ADAMTS5: variants seen among roughly 807,000 people sequenced by gnomAD.
The protein encoded by ADAMTS5 is A disintegrin and metalloproteinase with thrombospondin motifs 5.
A neutral mutation model predicts 81.4 loss-of-function variants in ADAMTS5; 54 were observed. That is an observed-to-expected ratio of 0.66 (90% CI 0.53 to 0.83). The LOEUF (loss-of-function observed/expected upper bound fraction) is 0.83. Among genes scored for constraint, ADAMTS5 ranks in the 40% least tolerant of loss-of-function variants. ADAMTS5 has a pLI of 0.00. For synonymous variants in ADAMTS5, 532 were observed against 508.8 expected, an observed-to-expected ratio of 1.05 and a Z score of -0.61; for missense variants, 1,194 against 1,229.9, an observed-to-expected ratio of 0.97 and a Z score of 0.44.
chr21:26,957,348 T>C (rs1310485988), intron 1 of ADAMTS5, among the ~76,000 whole-genome samples: 2 of 152,192 alleles, frequency 1.3e-5, no homozygotes, highest in African/African-American at 4.8e-5. Context: ...TGTATATGTG[T>C]ATACATATAT....
At chr21:26,959,151 G>C (rs571220591) in intron 1 of ADAMTS5, among the ~76,000 whole-genome samples, 3 of 152,212 alleles carry the variant, frequency 2.0e-5, no homozygotes, top group African/African-American at 4.8e-5. Context: ...CAGGGGAGTA[G>C]ATGCTTGACG....
Position 26,930,001 on chromosome 21 carries a change from C to T in ADAMTS5, c.2110G>A (p.Val704Met), listed in dbSNP as rs749748916. 30 of 1,613,952 alleles carry T rather than the reference C, an allele frequency of 1.9e-5. No individual in the cohort carries two copies. Among genetic ancestry groups the T allele is most frequent in the Non-Finnish European group, 2.1e-5 (25 of 1,179,964 alleles). ...SNSVCVRGKC[V>M]RTGCDGIIGS... ...ATGATGCCGTCACAGCCAGTTCTCACACACTTCCCCCGGACGCAGACGGAA... is the reference window on the plus strand; with the variant it reads ...ATGATGCCGTCACAGCCAGTTCTCATACACTTCCCCCGGACGCAGACGGAA... Residue 704 changes from valine to methionine, a missense_variant, in exon 7 of 8, where the codon GTG becomes ATG. By Grantham distance (21) the Val-to-Met change is conservative. This residue lies in a region of ADAMTS5 where 696 missense variants were observed against 817.6 expected (regional missense o/e 0.85). Coordinates refer to ENST00000284987, the MANE Select transcript of ADAMTS5 (RefSeq NM_007038.5).
intron 1 of ADAMTS5, among the ~76,000 whole-genome samples, chr21:26,960,613 C>CTG (rs1163844670): frequency 2.6e-5 from 4 of 152,138 alleles, no homozygotes; most frequent in African/African-American, 9.7e-5. Context: ...GAAGAGAGCC[C>CTG]TCACTAGAAA....
intron 2 of ADAMTS5, among the ~76,000 whole-genome samples, chr21:26,951,679 C>CAAAAAAAAAA (rs58060427): frequency 4.3e-5 from 2 of 46,628 alleles, no homozygotes; most frequent in African/African-American, 1.7e-4. Flanking sequence ...CCCTCCATCT[C>CAAAAAAAAAA]AAAAAAAAAA....
In ADAMTS5 at chr21:26,932,893, C is replaced by T. The variant is rs2830585; in HGVS notation, c.1841G>A (p.Arg614His). 0.14 allele frequency: 233,599 copies of T among 1,613,118 alleles called. 18,030 individuals are homozygous for T. The highest frequency in any genetic ancestry group is 0.16 in the Non-Finnish European group (186,371 of 1,179,642). The change falls in exon 5 of 8, where the codon CGC becomes CAC. Residue 614 changes from arginine (R) to histidine (H), a missense_variant. Transcript: ENST00000284987. Reference sequence around the variant, plus strand: ...TGGGCAGGGCATGAGACTGCAGGAGCGGTAGATGGCCCTCTTCCCTGTGCA... The same window carrying T: ...TGGGCAGGGCATGAGACTGCAGGAGTGGTAGATGGCCCTCTTCCCTGTGCA... ...RYCTGKRAIY[R>H]SCSLMPCPPN...
chr21:26,943,939 G>A (rs1411651693), intron 2 of ADAMTS5, among the ~76,000 whole-genome samples: 1 of 152,152 alleles, frequency 6.6e-6, no homozygotes, highest in Non-Finnish European at 1.5e-5. Context: ...AGCCCCATGA[G>A]ATCAAAGTGC....
In ADAMTS5 at chr21:26,924,445, T is replaced by G. The variant is rs1453472898; in HGVS notation, c.2401A>C (p.Ile801Leu). 5 of 1,614,114 alleles carry G rather than the reference T, an allele frequency of 3.1e-6. 1 individual carries two copies. The highest frequency in any genetic ancestry group is 3.3e-4 in the Middle Eastern group (2 of 6,084). Residue 801 changes from isoleucine to leucine, a missense_variant, in exon 8 of 8, where the codon ATC becomes CTC. Coordinates refer to ENST00000284987, the MANE Select transcript of ADAMTS5 (RefSeq NM_007038.5). Reference sequence around the variant, plus strand: ...CTATAGTTCATGACTGTTCCATTGATGTCAATGATAGTCTCTGAAGTGGAG... The same window carrying G: ...CTATAGTTCATGACTGTTCCATTGAGGTCAATGATAGTCTCTGAAGTGGAG... ...MISTSETIIDINGTVMNYSGW... is the reference protein window; with the variant it reads ...MISTSETIIDLNGTVMNYSGW...
chr21:26,954,289 G>C (rs1473841977), intron 2 of ADAMTS5, among the ~76,000 whole-genome samples: 3 of 152,020 alleles, frequency 2.0e-5, no homozygotes, highest in Non-Finnish European at 4.4e-5. Context: ...ATAAGCCATT[G>C]ATGACCTTTG....
intron 2 of ADAMTS5, among the ~76,000 whole-genome samples, chr21:26,954,523 T>C (rs162508): frequency 6.6e-6 from 1 of 152,096 alleles, no homozygotes; most frequent in Non-Finnish European, 1.5e-5. Context: ...AACTTTTAAA[T>C]GACACTGTCA....
chr21:26,960,492 G>T (rs1056973164), intron 1 of ADAMTS5, among the ~76,000 whole-genome samples: 25 of 152,182 alleles, frequency 1.6e-4, no homozygotes, highest in African/African-American at 6.0e-4. Context: ...ATCAGATAGG[G>T]TTAGTGTCCT....
At chr21:26,963,988 T>C (rs1462454489) in intron 1 of ADAMTS5, among the ~76,000 whole-genome samples, 2 of 152,212 alleles carry the variant, frequency 1.3e-5, no homozygotes, top group Non-Finnish European at 2.9e-5. Flanking sequence ...TTTTCCTTCA[T>C]ACCAGGGGTG....
At chr21:26,940,947 C>A (rs1192535214) in intron 3 of ADAMTS5, among the ~76,000 whole-genome samples, 1 of 152,114 alleles carries the variant, frequency 6.6e-6, no homozygotes, top group African/African-American at 2.4e-5. Flanking sequence ...TATTTCAATT[C>A]ATCTTTAAAT....
chr21:26,944,797 C>T (rs369932542), intron 2 of ADAMTS5, among the ~76,000 whole-genome samples: 57 of 152,128 alleles, frequency 3.7e-4, no homozygotes, highest in African/African-American at 1.3e-3. Context: ...CTTTATATTC[C>T]GACTACTTTG....
chr21:26,926,862 GC>G (rs1016654151), intron 7 of ADAMTS5, among the ~76,000 whole-genome samples: 31 of 152,242 alleles, frequency 2.0e-4, no homozygotes, highest in African/African-American at 7.0e-4. Flanking sequence ...GGTAAGGGAA[GC>G]TTTTTTGGGT....
At chr21:26,938,772 C>T (rs766608339) in intron 3 of ADAMTS5, among the ~76,000 whole-genome samples, 21 of 152,174 alleles carry the variant, frequency 1.4e-4, no homozygotes, top group African/African-American at 1.9e-4. Context: ...TCAGGTGATC[C>T]GCCCACCTTG....
Position 26,965,905 on chromosome 21 carries a change from A to G in ADAMTS5, c.487T>C (p.Tyr163His), listed in dbSNP as rs1334324280. ...CCGCGCAGCAGTGGCTTTAGGGTGTAGCGCGCGTGCTTGACCGCGAAGAAG... is the reference window on the plus strand; with the variant it reads ...CCGCGCAGCAGTGGCTTTAGGGTGTGGCGCGCGTGCTTGACCGCGAAGAAG... ...DGFFAVKHAR[Y>H]TLKPLLRGPW... Residue 163 changes from tyrosine (Y) to histidine (H), a missense_variant, in exon 1 of 8, where the codon TAC becomes CAC. By Grantham distance (83) the Tyr-to-His change is moderately conservative. This residue lies in a region of ADAMTS5 where 498 missense variants were observed against 412.3 expected (regional missense o/e 1.21). Transcript: ENST00000284987. The G allele has an allele frequency of 1.2e-6, 2 of 1,613,734 alleles. No individual in the cohort carries two copies. The highest frequency in any genetic ancestry group is 1.3e-5 in the African/African-American group (1 of 74,916).
chr21:26,965,557 T>C lies in ADAMTS5; in HGVS notation c.835A>G (p.Met279Val), dbSNP rs1245101995. 2.0e-5 allele frequency: 33 copies of C among 1,611,454 alleles called. No homozygotes were observed. The highest frequency in any genetic ancestry group is 2.7e-5 in the Non-Finnish European group (32 of 1,178,286). ...AGGCCCCGGCCATACAACCGCGCCA[T>C]GGACGCGTCAGCCACCAGAAGCAGC... ...VELLLVADAS[M>V]ARLYGRGLQH... Residue 279 changes from methionine (M) to valine (V), a missense_variant, in exon 1 of 8, where the codon ATG (methionine) becomes GTG (valine). By Grantham distance (21) the Met-to-Val change is conservative. Transcript: ENST00000284987.
In ADAMTS5 at chr21:26,919,593, A is replaced by G. The variant is rs113149962; in HGVS notation, c.*4460T>C. ...ATTTACCAGACTGAATGTTTTGCTG[A>G]TCTGAACACTACCTGTATTCCAATT... On this transcript the variant is annotated 3_prime_UTR_variant, in exon 8 of 8. Transcript: ENST00000284987. 50 of 152,116 alleles carry G rather than the reference A, an allele frequency of 3.3e-4. No individual in the cohort carries two copies. Among genetic ancestry groups the G allele is most frequent in the African/African-American group, 1.1e-3 (47 of 41,510 alleles). 9.4% of individuals were successfully genotyped at this position (152,116 alleles called of 1,614,324 possible).
At chr21:26,947,978 A>C (rs1040004452) in intron 2 of ADAMTS5, among the ~76,000 whole-genome samples, 18 of 152,222 alleles carry the variant, frequency 1.2e-4, no homozygotes, top group Non-Finnish European at 1.5e-5. Flanking sequence ...CAGAAATAGC[A>C]AACAAATCGT....
Sources: allele counts gnomAD v4.1 joint callset (sites outside exome capture counted in the v4.1 genomes callset), GRCh38; gene constraint gnomAD v4.1.1; regional missense constraint gnomAD v4.1.1; transcripts MANE v1.5; gene names NCBI Gene and HGNC (gene_info 2026-07-23, HGNC 2026-07-21).